Variants in PEPD observed in about 807,000 individuals in gnomAD.
PEPD encodes the protein xaa-Pro dipeptidase.
A neutral mutation model predicts 60.7 loss-of-function variants in PEPD; 53 were observed. The observed-to-expected ratio is 0.87, with a 90% CI of 0.70 to 1.10. The LOEUF (loss-of-function observed/expected upper bound fraction) is 1.10, where lower values mean the gene tolerates loss of function less well. PEPD is among the 50% of genes least tolerant of loss of function. PEPD has a pLI of 0.00. For missense variants in PEPD, 711 were observed against 711.9 expected (o/e 1.00, Z 0.01); for synonymous variants, 267 against 284.1 (o/e 0.94, Z 0.60).
At chr19:33,424,050 G>A (rs1480054166) in intron 9 of PEPD, among the ~76,000 whole-genome samples, 2 of 152,238 alleles carry the variant, frequency 1.3e-5, no homozygotes, top group Non-Finnish European at 2.9e-5. Flanking sequence ...CTTGTTGAAA[G>A]ATAAATCCTT....
intron 10 of PEPD, among the ~76,000 whole-genome samples, chr19:33,412,762 G>A (rs12974468): frequency 0.044 from 6,710 of 152,300 alleles, 179 homozygotes; most frequent in Non-Finnish European, 0.064. Flanking sequence ...GGGGACGTGC[G>A]CATTGGCAGA....
intron 7 of PEPD, among the ~76,000 whole-genome samples, chr19:33,464,875 G>A (rs760443866): frequency 1.3e-5 from 2 of 151,984 alleles, no homozygotes; most frequent in African/African-American, 2.4e-5. Context: ...ATAAGTATTC[G>A]TTTTCTACCT....
At chr19:33,484,596 C>A (rs1385775726) in intron 6 of PEPD, among the ~76,000 whole-genome samples, 3 of 152,168 alleles carry the variant, frequency 2.0e-5, no homozygotes, top group Non-Finnish European at 4.4e-5. Flanking sequence ...AACAGGAACA[C>A]ATACACACAA....
At chr19:33,517,910 T>C (rs1971053986) in intron 1 of PEPD, among the ~76,000 whole-genome samples, 1 of 148,326 alleles carries the variant, frequency 6.7e-6, no homozygotes, top group Non-Finnish European at 1.5e-5. Context: ...GAGGTTGCAG[T>C]GAGCCGAGAT....
intron 9 of PEPD, among the ~76,000 whole-genome samples, chr19:33,454,123 G>A (rs1476484021): frequency 6.6e-6 from 1 of 152,146 alleles, no homozygotes; most frequent in African/African-American, 2.4e-5. Flanking sequence ...CAGACAAGAT[G>A]AGCCCGGTGC....
intron 9 of PEPD, among the ~76,000 whole-genome samples, chr19:33,435,268 A>G (rs1305961140): frequency 6.6e-6 from 1 of 152,002 alleles, no homozygotes; most frequent in African/African-American, 2.4e-5. Flanking sequence ...ACTCAAAGCC[A>G]CAGGGAGCCT....
intron 7 of PEPD, among the ~76,000 whole-genome samples, chr19:33,476,510 T>C (rs1036414513): frequency 7.9e-5 from 12 of 152,118 alleles, no homozygotes; most frequent in African/African-American, 2.9e-4. Flanking sequence ...TCCCAGGAGC[T>C]TTCCCTCTTG....
chr19:33,404,317 G>T (rs1215171130), intron 11 of PEPD, among the ~76,000 whole-genome samples: 1 of 152,170 alleles, frequency 6.6e-6, no homozygotes, highest in African/African-American at 2.4e-5. Context: ...GGGCAGAGAG[G>T]ACAGGGCCAG....
chr19:33,465,648 C>T (rs913403296), intron 7 of PEPD, among the ~76,000 whole-genome samples: 31 of 152,182 alleles, frequency 2.0e-4, no homozygotes, highest in African/African-American at 7.2e-4. Flanking sequence ...CTCCTCAATA[C>T]GCTTCCTGCC....
At chr19:33,420,405 A>T (rs1049577531) in intron 9 of PEPD, among the ~76,000 whole-genome samples, 1 of 152,170 alleles carries the variant, frequency 6.6e-6, no homozygotes, top group African/African-American at 2.4e-5. Context: ...TAATTATTTT[A>T]AAAATAATTA....
chr19:33,443,963 T>C (rs1264424886), intron 9 of PEPD, among the ~76,000 whole-genome samples: 1 of 145,738 alleles, frequency 6.9e-6, no homozygotes. Context: ...TGCATACAAG[T>C]GCACGCGCGT....
At chr19:33,499,276 C>T (rs936394265) in intron 4 of PEPD, among the ~76,000 whole-genome samples, 1 of 152,176 alleles carries the variant, frequency 6.6e-6, no homozygotes, top group Non-Finnish European at 1.5e-5. Flanking sequence ...CAAAAGCCTC[C>T]TCTCTCCACA....
At chr19:33,438,156 G>A (rs1969416104) in intron 9 of PEPD, among the ~76,000 whole-genome samples, 1 of 152,234 alleles carries the variant, frequency 6.6e-6, no homozygotes, top group Non-Finnish European at 1.5e-5. Context: ...TGGGATCTCA[G>A]AGGGCAGACC....
chr19:33,460,126 G>A (rs368267657), intron 9 of PEPD, among the ~76,000 whole-genome samples: 4 of 152,132 alleles, frequency 2.6e-5, no homozygotes, highest in Non-Finnish European at 4.4e-5. Context: ...TTTATTCCCC[G>A]ACTAGTTAAG....
chr19:33,512,902 C>A, intron 1 of PEPD, 126 bp from the exon 2 acceptor site: 1 of 984,182 alleles, frequency 1.0e-6, no homozygotes, highest in Non-Finnish European at 1.6e-6. Flanking sequence ...ACGGGGCAAG[C>A]TGCCCAAGCT....
At position 33,397,485 on chromosome 19, in the gene PEPD, C is replaced by T. The variant is rs144340870; in HGVS notation, c.967+4236G>A. 3.9e-5 allele frequency among the ~76,000 whole-genome samples: 6 copies of T among 152,162 alleles called. No individual in the cohort carries two copies. In the East Asian group the frequency reaches 9.7e-4, roughly 25 times the overall value. Reference sequence around the variant, plus strand: ...GCTACGGGAGGCGACCTGCCCCATCCGGAGGGCAGCTCTGTGGGCCCAGGG... The same window carrying T: ...GCTACGGGAGGCGACCTGCCCCATCTGGAGGGCAGCTCTGTGGGCCCAGGG... On this transcript the variant is annotated intron_variant, in intron 12 of 14. Coordinates refer to ENST00000244137, the MANE Select transcript of PEPD (RefSeq NM_000285.4).
At chr19:33,408,296 TG>T (rs1215850488) in intron 11 of PEPD, among the ~76,000 whole-genome samples, 2 of 152,216 alleles carry the variant, frequency 1.3e-5, no homozygotes, top group African/African-American at 2.4e-5. Context: ...AACCAGCTGC[TG>T]GAAGTGGGCA....
At chr19:33,520,681 C>T (rs898517557) in intron 1 of PEPD, among the ~76,000 whole-genome samples, 2 of 152,200 alleles carry the variant, frequency 1.3e-5, no homozygotes, top group Non-Finnish European at 2.9e-5. Flanking sequence ...TTGCCATTTT[C>T]CCTGTATCTT....
intron 1 of PEPD, among the ~76,000 whole-genome samples, chr19:33,517,344 G>A (rs1971040769): frequency 6.6e-6 from 1 of 152,036 alleles, no homozygotes; most frequent in Non-Finnish European, 1.5e-5. Flanking sequence ...CAGATCACCT[G>A]AGGTCAGGAG....
Sources: gnomAD v4.1 joint callset for allele counts (sites outside exome capture counted in the v4.1 genomes callset) on GRCh38, gnomAD v4.1.1 for gene constraint, MANE v1.5 for transcripts, NCBI Gene and HGNC (gene_info 2026-07-23, HGNC 2026-07-21) for gene names.